Variants in LSAMP observed in about 807,000 individuals in gnomAD.
LSAMP encodes the protein limbic system associated membrane protein.
Under a neutral mutation model 38.6 loss-of-function variants are expected in LSAMP, and 7 were observed. That is an observed-to-expected ratio of 0.18 (90% confidence interval 0.10 to 0.34). The LOEUF is 0.34. LSAMP is among the 10% of genes least tolerant of loss of function. The pLI is 1.00. For missense variants in LSAMP, 313 were observed against 420.0 expected, an observed-to-expected ratio of 0.75 and a Z score of 2.23; for synonymous variants, 154 against 166.8, an observed-to-expected ratio of 0.92 and a Z score of 0.59.
intron 1 of LSAMP, among the ~76,000 whole-genome samples, chr3:116,092,007 C>T (rs1708134888): frequency 6.6e-6 from 1 of 152,124 alleles, no homozygotes; most frequent in Non-Finnish European, 1.5e-5. Context: ...GTTATTTGCA[C>T]TCATCTTTTC....
intron 6 of LSAMP, among the ~76,000 whole-genome samples, chr3:115,814,579 C>T (rs1317116095): frequency 6.6e-6 from 1 of 152,086 alleles, no homozygotes; most frequent in Non-Finnish European, 1.5e-5. Flanking sequence ...TGTTGCTCCT[C>T]CTAGGAGCCC....
chr3:115,931,578 T>C (rs934565238), intron 3 of LSAMP, among the ~76,000 whole-genome samples: 4 of 152,208 alleles, frequency 2.6e-5, no homozygotes, highest in Admixed American at 2.0e-4. Context: ...CCATCATGTC[T>C]CTTCTTTCTC....
intron 2 of LSAMP, among the ~76,000 whole-genome samples, chr3:116,026,404 T>G (rs142450730): frequency 1.3e-5 from 2 of 152,286 alleles, no homozygotes; most frequent in African/African-American, 4.8e-5. Flanking sequence ...GACTAACGTT[T>G]CTTATATATG....
chr3:116,184,933 C>T (rs1710575246), intron 1 of LSAMP, among the ~76,000 whole-genome samples: 1 of 151,362 alleles, frequency 6.6e-6, no homozygotes, highest in African/African-American at 2.4e-5. Context: ...CTGTTTGATT[C>T]TCAGAATACA....
chr3:116,248,524 TG>T (rs2046633194), intron 1 of LSAMP, among the ~76,000 whole-genome samples: 1 of 149,066 alleles, frequency 6.7e-6, no homozygotes, highest in South Asian at 2.1e-4. Flanking sequence ...TGTGTGTGTG[TG>T]TGTGTGTGTA....
intron 1 of LSAMP, among the ~76,000 whole-genome samples, chr3:116,292,194 A>G (rs551944007): frequency 1.1e-4 from 16 of 152,170 alleles, no homozygotes; most frequent in Non-Finnish European, 2.1e-4. Flanking sequence ...ACAAGTAGGA[A>G]ATAATATCAC....
intron 2 of LSAMP, among the ~76,000 whole-genome samples, chr3:116,076,127 A>G (rs537894156): frequency 6.6e-6 from 1 of 152,312 alleles, no homozygotes; most frequent in Admixed American, 6.5e-5. Context: ...AACCTGCATC[A>G]TATGTGACAT....
At chr3:115,951,928 A>T (rs915118733) in intron 3 of LSAMP, among the ~76,000 whole-genome samples, 1 of 152,202 alleles carries the variant, frequency 6.6e-6, no homozygotes, top group Non-Finnish European at 1.5e-5. Flanking sequence ...GACAATTCTC[A>T]AAAGAAGATA....
chr3:116,220,978 C>T lies in LSAMP; in HGVS notation c.156-134422G>A, dbSNP rs992959557. Among the ~76,000 whole-genome samples, 10 of 151,806 alleles carry T rather than the reference C, an allele frequency of 6.6e-5. No homozygotes were observed. In the South Asian group the frequency reaches 8.3e-4, roughly 13 times the overall value. On this transcript the variant is annotated intron_variant, in intron 1 of 6. Coordinates refer to ENST00000490035, the MANE Select transcript of LSAMP (RefSeq NM_002338.5). Reference sequence around the variant, plus strand: ...GACCATCCTGGCTAACACGGTGAAACCCCATCTCTACTAAAAATACAAAAA... The same window carrying T: ...GACCATCCTGGCTAACACGGTGAAATCCCATCTCTACTAAAAATACAAAAA...
intron 1 of LSAMP, among the ~76,000 whole-genome samples, chr3:116,209,133 G>C (rs555988323): frequency 1.3e-5 from 2 of 152,312 alleles, no homozygotes; most frequent in Admixed American, 6.5e-5. Flanking sequence ...TCCGAAAAGC[G>C]CAGTATTCGG....
At chr3:116,012,175 G>T (rs1424332329) in intron 3 of LSAMP, among the ~76,000 whole-genome samples, 1 of 152,150 alleles carries the variant, frequency 6.6e-6, no homozygotes, top group Non-Finnish European at 1.5e-5. Context: ...GAATTTTATT[G>T]TGCAAGCATC....
At chr3:116,016,647 G>T (rs1940492294) in intron 3 of LSAMP, among the ~76,000 whole-genome samples, 1 of 152,140 alleles carries the variant, frequency 6.6e-6, no homozygotes. Context: ...GATCTTTATT[G>T]CAATTATTCA....
intron 1 of LSAMP, among the ~76,000 whole-genome samples, chr3:116,398,007 A>G (rs1173733727): frequency 6.6e-6 from 1 of 151,988 alleles, no homozygotes; most frequent in Non-Finnish European, 1.5e-5. Flanking sequence ...TTTAACTTCT[A>G]AAATAGGGTT....
intron 1 of LSAMP, among the ~76,000 whole-genome samples, chr3:116,095,522 G>T (rs1026127361): frequency 6.6e-6 from 1 of 152,238 alleles, no homozygotes. Context: ...AGTCCTGAAT[G>T]TGTCTCAACA....
chr3:116,366,251 A>G (rs1182684296), intron 1 of LSAMP, among the ~76,000 whole-genome samples: 1 of 152,172 alleles, frequency 6.6e-6, no homozygotes, highest in Non-Finnish European at 1.5e-5. Context: ...CATGTGGCCA[A>G]CAAACATAGG....
intron 1 of LSAMP, among the ~76,000 whole-genome samples, chr3:116,377,549 A>C (rs1013768845): frequency 6.6e-6 from 1 of 152,064 alleles, no homozygotes; most frequent in East Asian, 1.9e-4. Context: ...ATACACATGC[A>C]TGTGTCTCTG....
intron 3 of LSAMP, among the ~76,000 whole-genome samples, chr3:115,852,989 G>C (rs993703118): frequency 6.6e-6 from 1 of 152,080 alleles, no homozygotes; most frequent in Non-Finnish European, 1.5e-5. Context: ...TGGGAGCTGG[G>C]GTGTTCATAG....
At chr3:116,164,857 G>C (rs1023009951) in intron 1 of LSAMP, among the ~76,000 whole-genome samples, 4 of 148,336 alleles carry the variant, frequency 2.7e-5, no homozygotes, top group African/African-American at 7.5e-5. Flanking sequence ...GTATGAAGGA[G>C]TCATTCCTAA....
At chr3:116,262,478 T>A (rs1217424857) in intron 1 of LSAMP, among the ~76,000 whole-genome samples, 1 of 152,208 alleles carries the variant, frequency 6.6e-6, no homozygotes, top group Non-Finnish European at 1.5e-5. Flanking sequence ...CTTTTTCTGT[T>A]GATATTTTGT....
Sources: allele counts gnomAD v4.1 joint callset (sites outside exome capture counted in the v4.1 genomes callset), GRCh38; gene constraint gnomAD v4.1.1; transcripts MANE v1.5; gene names NCBI Gene and HGNC (gene_info 2026-07-23, HGNC 2026-07-21).